SLIT3: variants seen among roughly 807,000 people sequenced by gnomAD.
SLIT3 encodes slit guidance ligand 3.
In SLIT3, 68 loss-of-function variants were observed where a neutral mutation model predicts 184.0. The ratio of observed to expected loss-of-function variants is 0.37; its 90% CI spans 0.30 to 0.45. The LOEUF is 0.45. Among genes scored for constraint, SLIT3 ranks in the 20% least tolerant of loss-of-function variants. SLIT3 has a pLI of 1.00. For missense variants in SLIT3, 1,707 were observed against 2,026.0 expected (o/e 0.84, Z 3.02); for synonymous variants, 831 against 828.6 (o/e 1.00, Z -0.05).
At chr5:169,110,733 G>A (rs575054242) in intron 4 of SLIT3, among the ~76,000 whole-genome samples, 12 of 152,238 alleles carry the variant, frequency 7.9e-5, no homozygotes, top group African/African-American at 2.2e-4. Flanking sequence ...ACCGGGCTAC[G>A]TTATTTCTCA....
intron 4 of SLIT3, among the ~76,000 whole-genome samples, chr5:168,933,269 C>T (rs527627519): frequency 6.6e-6 from 1 of 151,220 alleles, no homozygotes. Context: ...GGAGGCTGGG[C>T]GCGGTGGCTC....
intron 5 of SLIT3, among the ~76,000 whole-genome samples, chr5:168,859,016 A>G (rs1759006559): frequency 6.6e-6 from 1 of 152,304 alleles, no homozygotes; most frequent in Middle Eastern, 3.4e-3. Context: ...GAGTGATGCT[A>G]TCTCTAGGAC....
At chr5:168,784,665 G>A (rs1756088919) in intron 12 of SLIT3, among the ~76,000 whole-genome samples, 2 of 152,158 alleles carry the variant, frequency 1.3e-5, no homozygotes, top group South Asian at 4.1e-4. Context: ...CCTCTTTCTT[G>A]AAGAGTTCCT....
intron 17 of SLIT3, 25 bp downstream of exon 17, chr5:168,753,839 C>A (rs377226466): frequency 4.4e-6 from 7 of 1,605,482 alleles, no homozygotes; most frequent in Non-Finnish European, 5.1e-6. Context: ...TGGGTCTTGG[C>A]CCAGGCCCCA....
chr5:168,778,002 T>C (rs1755820868), intron 12 of SLIT3, among the ~76,000 whole-genome samples: 1 of 152,092 alleles, frequency 6.6e-6, no homozygotes, highest in African/African-American at 2.4e-5. Flanking sequence ...GGTTTAGCAG[T>C]TCTATAAGGA....
chr5:168,893,203 G>T (rs1760532034), intron 4 of SLIT3, among the ~76,000 whole-genome samples: 1 of 152,146 alleles, frequency 6.6e-6, no homozygotes, highest in Non-Finnish European at 1.5e-5. Flanking sequence ...ACCTTGGTTG[G>T]GTGTGGACAG....
chr5:169,251,355 T>G, intron 2 of SLIT3, 33 bp downstream of exon 2: 1 of 1,522,350 alleles, frequency 6.6e-7, no homozygotes, highest in Non-Finnish European at 9.1e-7. Context: ...GAGCTAAAAA[T>G]GAAAACACAC....
intron 5 of SLIT3, among the ~76,000 whole-genome samples, chr5:168,877,466 A>G (rs1456863890): frequency 6.6e-6 from 1 of 152,206 alleles, no homozygotes; most frequent in African/African-American, 2.4e-5. Context: ...CAAGACCAGG[A>G]GTGTGGACAC....
In SLIT3 at chr5:168,685,716, C is replaced by T; in HGVS notation, c.3526G>A (p.Val1176Ile). 1 of 1,574,388 alleles carries T rather than the reference C, an allele frequency of 6.4e-7. No homozygotes were observed. The change falls in exon 31 of 36, where the codon GTC (valine) becomes ATC (isoleucine). Residue 1176 changes from valine (V) to isoleucine (I), a missense_variant. Physicochemically the swap from Val to Ile is conservative, Grantham distance 29. Coordinates refer to ENST00000519560, the MANE Select transcript of SLIT3 (RefSeq NM_003062.4). ...DSYVELASAK[V>I]RPQANISLQV... Reference sequence around the variant, plus strand: ...AGGGAGATGTTGGCCTGGGGTCGGACCTTGGCGGAGGCCAGTTCCACGTAG... The same window carrying T: ...AGGGAGATGTTGGCCTGGGGTCGGATCTTGGCGGAGGCCAGTTCCACGTAG...
intron 4 of SLIT3, among the ~76,000 whole-genome samples, chr5:168,883,551 G>A (rs774267926): frequency 1.7e-4 from 26 of 152,222 alleles, no homozygotes; most frequent in Admixed American, 6.5e-4. Flanking sequence ...GGAGCAGCTC[G>A]CCTCCAGGGC....
At chr5:169,072,507 G>A (rs960212886) in intron 4 of SLIT3, among the ~76,000 whole-genome samples, 5 of 152,232 alleles carry the variant, frequency 3.3e-5, no homozygotes, top group African/African-American at 7.2e-5. Context: ...CTGTGAGGAA[G>A]GGTTAGTACA....
chr5:168,665,542 C>T lies in SLIT3; in HGVS notation c.*912G>A, dbSNP rs565755819. ...GAGACACCATGATATTCTCTTCCCT[C>T]GCCTCCTCTAGGAAGACCCCTCTCC... is the stretch of plus-strand genomic sequence containing the variant. On this transcript the variant is annotated 3_prime_UTR_variant, in exon 36 of 36. Transcript: ENST00000519560. 1.3e-5 allele frequency: 2 copies of T among 152,354 alleles called. No individual in the cohort carries two copies. Among genetic ancestry groups the T allele is most frequent in the East Asian group, 1.9e-4 (1 of 5,188 alleles). The allele number at this position is 152,354 out of a possible 1,614,324, so 9.4% of individuals were successfully genotyped here.
intron 4 of SLIT3, among the ~76,000 whole-genome samples, chr5:168,945,514 GCATGAGCCACC>G (rs1364269189): frequency 3.3e-5 from 5 of 152,208 alleles, no homozygotes; most frequent in Admixed American, 3.3e-4. Flanking sequence ...GGGATTACAG[GCATGAGCCACC>G]ACGCCCGGCC....
At chr5:168,916,361 C>T (rs896664371) in intron 4 of SLIT3, among the ~76,000 whole-genome samples, 6 of 152,328 alleles carry the variant, frequency 3.9e-5, no homozygotes, top group Admixed American at 2.6e-4. Flanking sequence ...CCTGGGAGAA[C>T]CTGCAGCTGT....
At chr5:168,850,015 T>C (rs571825302) in intron 5 of SLIT3, among the ~76,000 whole-genome samples, 1 of 152,302 alleles carries the variant, frequency 6.6e-6, no homozygotes, top group Non-Finnish European at 1.5e-5. Context: ...AAAAAATCAT[T>C]ATTGAAGAAC....
intron 4 of SLIT3, among the ~76,000 whole-genome samples, chr5:169,150,478 C>T (rs887770401): frequency 3.3e-5 from 5 of 151,252 alleles, no homozygotes; most frequent in Admixed American, 1.3e-4. Flanking sequence ...AGACTGGGAT[C>T]GAGGAACAAT....
chr5:168,700,056 T>C (rs1762169618), intron 27 of SLIT3, among the ~76,000 whole-genome samples: 1 of 152,170 alleles, frequency 6.6e-6, no homozygotes, highest in African/African-American at 2.4e-5. Context: ...ATCTGCACAG[T>C]GGGGATAAAT....
At chr5:169,046,278 C>T (rs192430887) in intron 4 of SLIT3, among the ~76,000 whole-genome samples, 1 of 152,192 alleles carries the variant, frequency 6.6e-6, no homozygotes, top group Admixed American at 6.5e-5. Context: ...ATTGTGAGCA[C>T]CAGATGAAAG....
intron 24 of SLIT3, among the ~76,000 whole-genome samples, chr5:168,711,922 C>T (rs1345398235): frequency 1.3e-5 from 2 of 152,162 alleles, no homozygotes; most frequent in Non-Finnish European, 2.9e-5. Context: ...TGATCCTGGG[C>T]CCTGCCATCT....
Sources: allele counts gnomAD v4.1 joint callset (sites outside exome capture counted in the v4.1 genomes callset), GRCh38; gene constraint gnomAD v4.1.1; transcripts MANE v1.5; gene names NCBI Gene and HGNC (gene_info 2026-07-23, HGNC 2026-07-21).